Variants in LMAN2L observed in about 807,000 individuals in gnomAD.
LMAN2L encodes the protein VIP36-like protein.
Under a neutral mutation model 44.3 loss-of-function variants are expected in LMAN2L, and 30 were observed. The ratio of observed to expected loss-of-function variants is 0.68; its 90% CI spans 0.51 to 0.92. LMAN2L has a LOEUF of 0.92. Ranked by LOEUF, LMAN2L falls within the 40% of genes least tolerant of loss-of-function variation. LMAN2L has a pLI of 0.00. For synonymous variants in LMAN2L, 183 were observed against 171.1 expected (o/e 1.07, Z -0.54); for missense variants, 429 against 446.1 (o/e 0.96, Z 0.35).
chr2:96,738,227 C>T (rs1393098870), intron 1 of LMAN2L, among the ~76,000 whole-genome samples, 160 bp from the exon 2 acceptor site: 2 of 152,186 alleles, frequency 1.3e-5, no homozygotes, highest in African/African-American at 2.4e-5. Context: ...ATCTCTACAG[C>T]TTTCACAAGG....
intron 4 of LMAN2L, among the ~76,000 whole-genome samples, chr2:96,722,840 G>A (rs1183681969): frequency 6.6e-6 from 1 of 152,132 alleles, no homozygotes; most frequent in Non-Finnish European, 1.5e-5. Flanking sequence ...GGCCAACATG[G>A]CAAAACCCGT....
At chr2:96,732,791 C>CTTTTTT (rs567344079) in intron 4 of LMAN2L, among the ~76,000 whole-genome samples, 1 of 141,902 alleles carries the variant, frequency 7.0e-6, no homozygotes, top group African/African-American at 2.6e-5. Context: ...TTCTTTCTTT[C>CTTTTTT]TTTTTTTTTT....
At chr2:96,715,740 C>T (rs887767818) in intron 4 of LMAN2L, among the ~76,000 whole-genome samples, 1 of 152,140 alleles carries the variant, frequency 6.6e-6, no homozygotes, top group African/African-American at 2.4e-5. Flanking sequence ...CAGCATATTT[C>T]GATGGAAAAG....
chr2:96,718,890 C>G (rs1184355860), intron 4 of LMAN2L, among the ~76,000 whole-genome samples: 2 of 152,164 alleles, frequency 1.3e-5, no homozygotes, highest in Non-Finnish European at 2.9e-5. Context: ...ACTTCCAGGT[C>G]TGGAAACCTT....
At chr2:96,724,437 T>C (rs527691392) in intron 4 of LMAN2L, among the ~76,000 whole-genome samples, 2 of 152,362 alleles carry the variant, frequency 1.3e-5, no homozygotes, top group African/African-American at 4.8e-5. Context: ...ATACCAAGTC[T>C]TCCAATCCAT....
chr2:96,729,040 C>T lies in LMAN2L; in HGVS notation c.507+4479G>A, dbSNP rs554531460. On this transcript the variant is annotated intron_variant, in intron 4 of 7. Transcript: ENST00000264963. ...ATAAAAAATTAGCTGGGCGTGGTGG[C>T]AGGTACTTGTAGTCCCAGCTACTCA... 4.8e-4 allele frequency among the ~76,000 whole-genome samples: 72 copies of T among 150,634 alleles called. 1 individual carries two copies. Among genetic ancestry groups the T allele is most frequent in the Admixed American group, 1.6e-3 (24 of 15,020 alleles).
At position 96,726,022 on chromosome 2, in the gene LMAN2L, C is replaced by T. The variant is rs2078262548; in HGVS notation, c.507+7497G>A. 3.3e-5 allele frequency among the ~76,000 whole-genome samples: 5 copies of T among 151,732 alleles called. No individual in the cohort carries two copies. The South Asian group carries it at 1.0e-3, about 32-fold the overall frequency. On this transcript the variant is annotated intron_variant, in intron 4 of 7. Transcript: ENST00000264963. ...TAGCACGTGCCTGTAATCCCAGCTA[C>T]TCTGGAGGCTGAGGCAGAAGAATCA...
chr2:96,737,798 C>A, intron 2 of LMAN2L, 151 bp downstream of exon 2: 1 of 588,916 alleles, frequency 1.7e-6, no homozygotes, highest in Non-Finnish European at 3.1e-6. Context: ...TATTTATTAT[C>A]AAGGTCAGAA....
intron 4 of LMAN2L, among the ~76,000 whole-genome samples, chr2:96,720,219 C>T (rs1433860315): frequency 6.6e-6 from 1 of 152,144 alleles, no homozygotes; most frequent in Non-Finnish European, 1.5e-5. Context: ...GCTATTTCTG[C>T]CTCCCCAGGG....
chr2:96,739,333 A>C (rs1265014915), intron 1 of LMAN2L, among the ~76,000 whole-genome samples: 1 of 152,124 alleles, frequency 6.6e-6, no homozygotes, highest in Non-Finnish European at 1.5e-5. Context: ...AACTGCATTA[A>C]TTTTCTGGCT....
At chr2:96,711,809 G>C in intron 5 of LMAN2L, 39 bp from the exon 6 acceptor site, 2 of 1,612,708 alleles carry the variant, frequency 1.2e-6, no homozygotes, top group East Asian at 2.2e-5. Flanking sequence ...TCAGGCCATG[G>C]GAGCAAGAGC....
intron 4 of LMAN2L, among the ~76,000 whole-genome samples, chr2:96,723,265 G>A (rs2078197461): frequency 6.6e-6 from 1 of 152,080 alleles, no homozygotes. Context: ...GTGTCTTATG[G>A]TTTTAATTTG....
Position 96,711,766 on chromosome 2 carries a change from A to AT in LMAN2L, c.673dup (p.Met225AsnfsTer5). 1 of 1,613,948 alleles carries AT rather than the reference A, an allele frequency of 6.2e-7. No individual in the cohort carries two copies. The highest frequency in any genetic ancestry group is 8.5e-7 in the Non-Finnish European group (1 of 1,179,804). On this transcript the variant is annotated frameshift_variant, in exon 6 of 8. Coordinates refer to ENST00000264963, the MANE Select transcript of LMAN2L (RefSeq NM_030805.4). LOFTEE classifies it high-confidence loss of function. ...CTCATGCTTGCCATCAATATCCATC[A>AT]TTATCTAGAATAAAAAGAGAGATAA...
At chr2:96,732,384 G>A (rs1574026970) in intron 4 of LMAN2L, among the ~76,000 whole-genome samples, 3 of 150,442 alleles carry the variant, frequency 2.0e-5, no homozygotes, top group South Asian at 4.3e-4. Context: ...GGTGACTCAC[G>A]CCTGTAATCC....
chr2:96,726,103 A>T (rs1450613411), intron 4 of LMAN2L, among the ~76,000 whole-genome samples: 1 of 151,624 alleles, frequency 6.6e-6, no homozygotes, highest in Non-Finnish European at 1.5e-5. Flanking sequence ...CTGCATGCCA[A>T]CCTGTGTGAC....
chr2:96,713,100 T>C (rs1558949364), intron 4 of LMAN2L: 2 of 1,551,002 alleles, frequency 1.3e-6, no homozygotes, highest in African/African-American at 1.4e-5. Context: ...AGCCAAGAAC[T>C]GAGTACCTGG....
At chr2:96,711,561 G>A (rs896342205) in intron 6 of LMAN2L, 95 bp downstream of exon 6, 8 of 791,580 alleles carry the variant, frequency 1.0e-5, no homozygotes, top group South Asian at 4.8e-5. Context: ...CCAGAGCACC[G>A]CTCCTCTGGC....
chr2:96,721,991 G>A (rs187070107), intron 4 of LMAN2L, among the ~76,000 whole-genome samples: 37 of 151,134 alleles, frequency 2.4e-4, no homozygotes, highest in Middle Eastern at 3.4e-3. Flanking sequence ...TTTTTGAGAC[G>A]GAGTCTCACT....
chr2:96,738,574 G>A (rs2078565066), intron 1 of LMAN2L, among the ~76,000 whole-genome samples: 1 of 152,074 alleles, frequency 6.6e-6, no homozygotes, highest in Admixed American at 6.6e-5. Flanking sequence ...TACTCAGGAG[G>A]CTGAGTTGGG....
Sources: allele counts gnomAD v4.1 joint callset (sites outside exome capture counted in the v4.1 genomes callset), GRCh38; gene constraint gnomAD v4.1.1; transcripts MANE v1.5; gene names NCBI Gene and HGNC (gene_info 2026-07-23, HGNC 2026-07-21).